Variants in ALG14 observed in about 807,000 individuals in gnomAD.
The protein encoded by ALG14 is UDP-N-acetylglucosamine transferase subunit ALG14.
Under a neutral mutation model 22.8 loss-of-function variants are expected in ALG14, and 17 were observed. The ratio of observed to expected loss-of-function variants is 0.75; its 90% CI spans 0.51 to 1.12. The LOEUF is 1.12. Among genes scored for constraint, ALG14 ranks in the 50% most tolerant of loss-of-function variants. ALG14 has a pLI of 0.00. For missense variants in ALG14, 288 were observed against 271.8 expected (o/e 1.06, Z -0.42); for synonymous variants, 89 against 103.7 (o/e 0.86, Z 0.86).
intron 3 of ALG14, among the ~76,000 whole-genome samples, chr1:95,003,450 CTTT>C (rs11286582): frequency 1.8e-4 from 24 of 134,148 alleles, no homozygotes; most frequent in Admixed American, 3.0e-4. Context: ...TGCCCTCATT[CTTT>C]TTTTTTTTTT....
At chr1:94,989,170 T>C (rs1301723995) in intron 3 of ALG14, among the ~76,000 whole-genome samples, 1 of 152,216 alleles carries the variant, frequency 6.6e-6, no homozygotes, top group Non-Finnish European at 1.5e-5. Context: ...TTCTAAATCA[T>C]ATTGTTATGA....
chr1:95,046,632 T>C (rs1280926974), intron 2 of ALG14, among the ~76,000 whole-genome samples: 1 of 152,248 alleles, frequency 6.6e-6, no homozygotes, highest in African/African-American at 2.4e-5. Flanking sequence ...TGGGCTTCTT[T>C]ATTTCCCATA....
At chr1:94,992,704 T>C (rs1672805021) in intron 3 of ALG14, among the ~76,000 whole-genome samples, 1 of 152,096 alleles carries the variant, frequency 6.6e-6, no homozygotes, top group Non-Finnish European at 1.5e-5. Context: ...TGCCAGTTCT[T>C]AGTGGGAGGT....
At chr1:95,044,883 A>T (rs75789742) in intron 2 of ALG14, among the ~76,000 whole-genome samples, 3,256 of 150,498 alleles carry the variant, frequency 0.022, 99 homozygotes, top group African/African-American at 0.072. Flanking sequence ...TTTTTTTTTT[A>T]AAAAAAGCAT....
chr1:95,056,451 C>A (rs767864172), intron 2 of ALG14, among the ~76,000 whole-genome samples: 3 of 151,732 alleles, frequency 2.0e-5, no homozygotes, highest in Non-Finnish European at 4.4e-5. Context: ...TCGAGACCAG[C>A]CTGGGCAACA....
chr1:95,027,368 T>C, intron 2 of ALG14, 108 bp from the exon 3 acceptor site: 1 of 1,340,520 alleles, frequency 7.5e-7, no homozygotes, highest in Non-Finnish European at 1.0e-6. Context: ...TAATTTAAAT[T>C]TTCATTCTAA....
chr1:95,043,434 G>A lies in ALG14; in HGVS notation c.289-16174C>T, dbSNP rs367921932. 1.3e-4 allele frequency among the ~76,000 whole-genome samples: 20 copies of A among 152,284 alleles called. No individual in the cohort carries two copies. The East Asian group carries it at 3.9e-3, about 29-fold the overall frequency. On this transcript the variant is annotated intron_variant, in intron 2 of 3. Transcript: ENST00000370205. ...ACACAGGACATTCCCCTACAATGAA[G>A]ATTTGTCTGTCCCAAAATGTCAATA...
intron 3 of ALG14, among the ~76,000 whole-genome samples, chr1:95,002,250 G>C (rs1673089113): frequency 1.3e-5 from 2 of 152,138 alleles, no homozygotes; most frequent in Non-Finnish European, 2.9e-5. Context: ...TACCTGGGGG[G>C]GGGAACCTGG....
chr1:95,056,156 A>G (rs1050070577), intron 2 of ALG14, among the ~76,000 whole-genome samples: 2 of 152,102 alleles, frequency 1.3e-5, no homozygotes, highest in African/African-American at 4.8e-5. Context: ...TAGAAGCAGA[A>G]AAAAAAAGAA....
intron 2 of ALG14, among the ~76,000 whole-genome samples, chr1:95,043,341 T>A (rs1557970932): frequency 6.6e-6 from 1 of 152,090 alleles, no homozygotes; most frequent in East Asian, 1.9e-4. Flanking sequence ...TAACTGGTGG[T>A]GGGGGTTGGG....
At chr1:95,012,629 T>C (rs1331908714) in intron 3 of ALG14, among the ~76,000 whole-genome samples, 1 of 152,212 alleles carries the variant, frequency 6.6e-6, no homozygotes, top group Non-Finnish European at 1.5e-5. Flanking sequence ...ATATGTGGGT[T>C]TCTCCTTGAG....
intron 2 of ALG14, among the ~76,000 whole-genome samples, chr1:95,051,232 GT>G (rs71097232): frequency 0.98 from 149,971 of 152,256 alleles, 73,898 homozygotes; most frequent in Middle Eastern, 1. Context: ...CCTTCTCTGT[GT>G]TAAGTGGCAA....
intron 3 of ALG14, among the ~76,000 whole-genome samples, chr1:94,997,534 G>C (rs529518475): frequency 6.6e-6 from 1 of 152,336 alleles, no homozygotes; most frequent in South Asian, 2.1e-4. Context: ...GGAAGGGATA[G>C]CTGTGAAAGC....
In ALG14 at chr1:95,012,094, CTT is replaced by C. The variant is rs1267212457; in HGVS notation, c.420+15033_420+15034del. Among the ~76,000 whole-genome samples the C allele has an allele frequency of 1.2e-4, 19 of 152,314 alleles. No homozygotes were observed. In the East Asian group the frequency reaches 2.5e-3, roughly 20 times the overall value. On this transcript the variant is annotated intron_variant, in intron 3 of 3. Transcript: ENST00000370205. Reference sequence around the variant, plus strand: ...CCCTTTGGCTTGACTCTCATTCTCTCTTGTCTGCTGCCATGTAAAACGTGCCT... The same window carrying C: ...CCCTTTGGCTTGACTCTCATTCTCTCGTCTGCTGCCATGTAAAACGTGCCT...
chr1:95,017,929 G>A (rs1673549146), intron 3 of ALG14, among the ~76,000 whole-genome samples: 1 of 152,210 alleles, frequency 6.6e-6, no homozygotes, highest in Non-Finnish European at 1.5e-5. Flanking sequence ...TCCCAGCAGA[G>A]GGAGTGGCTT....
intron 2 of ALG14, among the ~76,000 whole-genome samples, chr1:95,057,561 C>T (rs1466810579): frequency 1.3e-5 from 2 of 150,340 alleles, no homozygotes; most frequent in African/African-American, 2.4e-5. Flanking sequence ...CGTGCAAGGT[C>T]GTGAAAATAC....
intron 3 of ALG14, among the ~76,000 whole-genome samples, chr1:95,022,537 T>C (rs911882320): frequency 1.3e-5 from 2 of 152,166 alleles, no homozygotes; most frequent in African/African-American, 4.8e-5. Flanking sequence ...ACAGCGCATA[T>C]ATGGAGAGGA....
chr1:94,997,833 C>A (rs1347424017), intron 3 of ALG14, among the ~76,000 whole-genome samples: 2 of 152,102 alleles, frequency 1.3e-5, no homozygotes, highest in Admixed American at 6.5e-5. Context: ...GTAACTGAAG[C>A]GGGGAGGAGA....
At chr1:95,008,532 A>G (rs1673278067) in intron 3 of ALG14, among the ~76,000 whole-genome samples, 2 of 152,338 alleles carry the variant, frequency 1.3e-5, no homozygotes, top group African/African-American at 4.8e-5. Context: ...TAGTATGATA[A>G]TACTATTTAG....
Sources: gnomAD v4.1 joint callset for allele counts (sites outside exome capture counted in the v4.1 genomes callset) on GRCh38, gnomAD v4.1.1 for gene constraint, MANE v1.5 for transcripts, NCBI Gene and HGNC (gene_info 2026-07-23, HGNC 2026-07-21) for gene names.